SAMD12: variants seen among roughly 807,000 people sequenced by gnomAD.
The protein encoded by SAMD12 is sterile alpha motif domain-containing protein 12.
Under a neutral mutation model 15.0 loss-of-function variants are expected in SAMD12, and 9 were observed. That is an observed-to-expected ratio of 0.60 (90% CI 0.36 to 1.05). The LOEUF (loss-of-function observed/expected upper bound fraction) is 1.05. Among genes scored for constraint, SAMD12 ranks in the 50% least tolerant of loss-of-function variants. The pLI is 0.01. For synonymous variants in SAMD12, 86 were observed against 90.1 expected (o/e 0.96, Z 0.25); for missense variants, 230 against 234.2 (o/e 0.98, Z 0.12).
intron 3 of SAMD12, among the ~76,000 whole-genome samples, chr8:118,405,543 G>A (rs980024863): frequency 7.2e-5 from 11 of 152,162 alleles, no homozygotes; most frequent in African/African-American, 1.4e-4. Flanking sequence ...CATGGGAGCC[G>A]CTGGGGTTCT....
the SAMD12 span, among the ~76,000 whole-genome samples, chr8:118,140,153 A>T: frequency 1.3e-5 from 2 of 152,272 alleles, no homozygotes; most frequent in African/African-American, 4.8e-5. Flanking sequence ...TTGAAGAAGA[A>T]GGATAAACAA....
At chr8:118,479,593 T>C (rs1256452340) in intron 2 of SAMD12, among the ~76,000 whole-genome samples, 1 of 152,164 alleles carries the variant, frequency 6.6e-6, no homozygotes, top group African/African-American at 2.4e-5. Context: ...CAACTCAAGA[T>C]GAGATTTGGG....
intron 4 of SAMD12, among the ~76,000 whole-genome samples, chr8:118,359,855 C>G (rs980293767): frequency 1.3e-5 from 2 of 152,146 alleles, no homozygotes. Context: ...TCATGTGTGG[C>G]TAAGTATCCT....
intron 4 of SAMD12, among the ~76,000 whole-genome samples, chr8:118,292,407 T>G (rs2130261057): frequency 8.0e-6 from 1 of 125,082 alleles, no homozygotes; most frequent in South Asian, 2.6e-4. Context: ...AAAGGCAGTG[T>G]TCACAGATTC....
At chr8:118,404,941 C>T (rs2130797043) in intron 3 of SAMD12, among the ~76,000 whole-genome samples, 1 of 152,246 alleles carries the variant, frequency 6.6e-6, no homozygotes, top group Middle Eastern at 3.4e-3. Context: ...GGGCTACAGG[C>T]ATGAACCACC....
intron 2 of SAMD12, among the ~76,000 whole-genome samples, chr8:118,546,141 G>T (rs1826117164): frequency 6.6e-6 from 1 of 152,172 alleles, no homozygotes; most frequent in South Asian, 2.1e-4. Flanking sequence ...GGTGTGATGA[G>T]AAGAAAAGCA....
chr8:118,345,740 A>T (rs531584370), intron 4 of SAMD12, among the ~76,000 whole-genome samples: 5 of 152,260 alleles, frequency 3.3e-5, no homozygotes, highest in Non-Finnish European at 5.9e-5. Flanking sequence ...CAACAGGTCA[A>T]GAGCAGTGAA....
At chr8:118,323,476 T>A (rs1007084257) in intron 4 of SAMD12, among the ~76,000 whole-genome samples, 7 of 152,068 alleles carry the variant, frequency 4.6e-5, no homozygotes, top group Non-Finnish European at 7.4e-5. Context: ...TTTAAAAAAA[T>A]CTACACCGAA....
At chr8:118,134,967 G>T in the SAMD12 span, among the ~76,000 whole-genome samples, 3 of 152,140 alleles carry the variant, frequency 2.0e-5, no homozygotes, top group East Asian at 1.9e-4. Flanking sequence ...ATTTAGAATG[G>T]CCAGAGCAGG....
intron 1 of SAMD12, among the ~76,000 whole-genome samples, chr8:118,590,649 T>G (rs1827566146): frequency 6.6e-6 from 1 of 152,242 alleles, no homozygotes; most frequent in Admixed American, 6.5e-5. Flanking sequence ...CTGGCCAGAC[T>G]GGCATTTTAA....
At chr8:118,282,284 T>A (rs953342307) in intron 4 of SAMD12, 1 of 456,266 alleles carries the variant, frequency 2.2e-6, no homozygotes, top group Non-Finnish European at 4.4e-6. Context: ...GTCATTTAAG[T>A]GCAAGTGCCT....
At chr8:118,449,798 CAAA>C (rs35279962) in intron 2 of SAMD12, among the ~76,000 whole-genome samples, 8 of 72,458 alleles carry the variant, frequency 1.1e-4, no homozygotes, top group African/African-American at 3.5e-4. Flanking sequence ...GAGACTGTCT[CAAA>C]AAAAAAAAAA....
rs542107518 is a variant in SAMD12 at position 118,571,248 on chromosome 8, CAGA to C, written c.192+9464_192+9466del. Among the ~76,000 whole-genome samples, 167 of 152,144 alleles carry C rather than the reference CAGA, an allele frequency of 1.1e-3. 1 individual carries two copies. The highest frequency in any genetic ancestry group is 3.9e-3 in the African/African-American group (163 of 41,506). ...AGAGGCTGGAACAGGTTGGAGGGCT[CAGA>C]AGAAGGCAGGAAAATGTGGGAAAGT... On this transcript the variant is annotated intron_variant, in intron 2 of 3. Coordinates refer to ENST00000314727, the MANE Select transcript of SAMD12 (RefSeq NM_207506.3).
intron 3 of SAMD12, among the ~76,000 whole-genome samples, chr8:118,422,653 T>C (rs1223361880): frequency 6.6e-6 from 1 of 152,190 alleles, no homozygotes. Context: ...GGAAGCAGTT[T>C]GGTTCAGTCC....
At chr8:118,135,159 T>C in the SAMD12 span, among the ~76,000 whole-genome samples, 1 of 152,194 alleles carries the variant, frequency 6.6e-6, no homozygotes. Flanking sequence ...ATGAATATTA[T>C]AACAGTTTAT....
chr8:118,574,871 G>C (rs2131244467), intron 2 of SAMD12, among the ~76,000 whole-genome samples: 1 of 152,192 alleles, frequency 6.6e-6, no homozygotes, highest in South Asian at 2.1e-4. Context: ...AGACATTTTT[G>C]CTCCTTGAGC....
downstream of SAMD12, among the ~76,000 whole-genome samples, chr8:118,376,368 G>A (rs560679423): frequency 5.9e-5 from 9 of 152,198 alleles, no homozygotes; most frequent in East Asian, 1.9e-4. Flanking sequence ...ATCAGGTCAC[G>A]GGGGTGCAGC....
exon 5 of SAMD12, chr8:118,193,443 G>A (rs1265166123): frequency 6.6e-6 from 1 of 152,208 alleles, no homozygotes. Context: ...CTGGATTCAG[G>A]ATTAGATTCA....
rs142688158 is a variant in SAMD12 at position 118,360,780 on chromosome 8, G to A, written c.433+18780C>T. Reference sequence around the variant, plus strand: ...ATCAGTGCCAGTTTCTACCATTCCAGTAAGAATTTCTTTAATTGCATTTGT... The same window carrying A: ...ATCAGTGCCAGTTTCTACCATTCCAATAAGAATTTCTTTAATTGCATTTGT... On this transcript the variant is annotated intron_variant, in intron 4 of 4. Coordinates refer to the SAMD12 transcript ENST00000409003. Among the ~76,000 whole-genome samples the A allele has an allele frequency of 3.7e-3, 561 of 152,322 alleles. 2 individuals carry two copies. Among genetic ancestry groups the A allele is most frequent in the Middle Eastern group, 6.8e-3 (2 of 294 alleles).
Sources: gnomAD v4.1 joint callset for allele counts (sites outside exome capture counted in the v4.1 genomes callset) on GRCh38, gnomAD v4.1.1 for gene constraint, MANE v1.5 for transcripts, NCBI Gene and HGNC (gene_info 2026-07-23, HGNC 2026-07-21) for gene names.